ZNF565: variants seen among roughly 807,000 people sequenced by gnomAD.
ZNF565 encodes the protein zinc finger protein 565.
Under a neutral mutation model 39.4 loss-of-function variants are expected in ZNF565, and 27 were observed. The ratio of observed to expected loss-of-function variants is 0.69; its 90% CI spans 0.51 to 0.95. The LOEUF is 0.95. Ranked by LOEUF, ZNF565 falls within the 40% of genes least tolerant of loss-of-function variation. The pLI, the probability that ZNF565 is intolerant of heterozygous loss-of-function variation, is 0.00. For synonymous variants in ZNF565, 185 were observed against 216.6 expected, an observed-to-expected ratio of 0.85 and a Z score of 1.28; for missense variants, 524 against 621.1, an observed-to-expected ratio of 0.84 and a Z score of 1.66.
At chr19:36,185,266 T>G (rs1975247921) in intron 4 of ZNF565, among the ~76,000 whole-genome samples, 1 of 151,556 alleles carries the variant, frequency 6.6e-6, no homozygotes, top group Non-Finnish European at 1.5e-5. Context: ...AATACAAAAT[T>G]AGCCGGCCGT....
intron 1 of ZNF565, among the ~76,000 whole-genome samples, chr19:36,227,498 C>G (rs1205169103): frequency 6.6e-6 from 1 of 151,562 alleles, no homozygotes; most frequent in East Asian, 1.9e-4. Flanking sequence ...ATCTTCCTGT[C>G]TCAGCCTCCT....
At chr19:36,222,481 A>G (rs1293137274) in intron 1 of ZNF565, among the ~76,000 whole-genome samples, 1 of 152,222 alleles carries the variant, frequency 6.6e-6, no homozygotes, top group Non-Finnish European at 1.5e-5. Flanking sequence ...GTGGGTAAGT[A>G]CTTACACTCC....
intron 1 of ZNF565, among the ~76,000 whole-genome samples, chr19:36,233,893 C>T (rs1977515602): frequency 6.6e-6 from 1 of 150,790 alleles, no homozygotes; most frequent in Non-Finnish European, 1.5e-5. Context: ...TTTACTAATC[C>T]TCCTCAGCAC....
chr19:36,235,741 C>T (rs1441574207), intron 1 of ZNF565: 1 of 152,214 alleles, frequency 6.6e-6, no homozygotes, highest in Non-Finnish European at 1.5e-5. Context: ...GTTGATCCAT[C>T]TCCAGGAAAG....
intron 1 of ZNF565, among the ~76,000 whole-genome samples, chr19:36,206,774 G>A (rs189072371): frequency 2.6e-5 from 4 of 152,336 alleles, no homozygotes; most frequent in Non-Finnish European, 2.9e-5. Flanking sequence ...AGAGGTTGTA[G>A]TGAGTTGATA....
intron 1 of ZNF565, among the ~76,000 whole-genome samples, chr19:36,228,268 A>G (rs1346932450): frequency 7.9e-5 from 7 of 89,000 alleles, no homozygotes; most frequent in African/African-American, 2.9e-4. Flanking sequence ...TGTCAGAACA[A>G]CTTCTTCACA....
chr19:36,231,854 C>G (rs1977384950), intron 1 of ZNF565, among the ~76,000 whole-genome samples: 1 of 151,800 alleles, frequency 6.6e-6, no homozygotes, highest in Non-Finnish European at 1.5e-5. Context: ...TCTCTTGAGC[C>G]TAGGAGTTCT....
chr19:36,244,690 A>C (rs1453182832), intron 1 of ZNF565, among the ~76,000 whole-genome samples: 1 of 152,066 alleles, frequency 6.6e-6, no homozygotes, highest in African/African-American at 2.4e-5. Flanking sequence ...GTCTCTACTA[A>C]AAATACAAAA....
rs768296047 is a variant in ZNF565 at position 36,182,708 on chromosome 19, C to G, written c.1258G>C (p.Glu420Gln). 1.2e-6 allele frequency: 2 copies of G among 1,614,156 alleles called. No homozygotes were observed. Among genetic ancestry groups the G allele is most frequent in the Admixed American group, 3.3e-5 (2 of 60,000 alleles). ...QRIHTGDKPYECKECGKAFIR... is the reference protein window; with the variant it reads ...QRIHTGDKPYQCKECGKAFIR... ...AAGGCCTTCCCACATTCCTTACATT[C>G]GTAGGGTTTGTCACCTGTATGAATT... The change falls in exon 5 of 5, where the codon GAA becomes CAA. Residue 420 changes from glutamate to glutamine, a missense_variant. Physicochemically the swap from Glu to Gln is conservative, Grantham distance 29. Transcript: ENST00000304116.
At position 36,182,704 on chromosome 19, in the gene ZNF565, C is replaced by T; in HGVS notation, c.1262G>A (p.Cys421Tyr). Residue 421 changes from cysteine (C) to tyrosine (Y), a missense_variant, in exon 5 of 5, where the codon TGT becomes TAT. By Grantham distance (194) the Cys-to-Tyr change is radical (BLOSUM62 -2). Transcript: ENST00000304116. ...AATAAAGGCCTTCCCACATTCCTTACATTCGTAGGGTTTGTCACCTGTATG... is the reference window on the plus strand; with the variant it reads ...AATAAAGGCCTTCCCACATTCCTTATATTCGTAGGGTTTGTCACCTGTATG... ...RIHTGDKPYE[C>Y]KECGKAFIRV... 1 of 1,614,190 alleles carries T rather than the reference C, an allele frequency of 6.2e-7. No individual in the cohort carries two copies. The highest frequency in any genetic ancestry group is 8.5e-7 in the Non-Finnish European group (1 of 1,180,034).
intron 1 of ZNF565, among the ~76,000 whole-genome samples, chr19:36,227,711 C>T (rs1047886664): frequency 2.6e-5 from 4 of 152,138 alleles, no homozygotes; most frequent in African/African-American, 9.7e-5. Flanking sequence ...CACACCATTG[C>T]GCCCAGCTAA....
At chr19:36,204,387 T>C (rs1976076466) in intron 1 of ZNF565, among the ~76,000 whole-genome samples, 1 of 152,188 alleles carries the variant, frequency 6.6e-6, no homozygotes, top group Non-Finnish European at 1.5e-5. Flanking sequence ...CAGAGTGAAA[T>C]GCAGTGGCAA....
chr19:36,209,526 A>C (rs955352670), intron 1 of ZNF565, among the ~76,000 whole-genome samples: 1 of 151,402 alleles, frequency 6.6e-6, no homozygotes. Flanking sequence ...AACAAAAAAC[A>C]AACCAACAAA....
chr19:36,191,533 A>G (rs920429786), intron 4 of ZNF565, among the ~76,000 whole-genome samples: 2 of 152,146 alleles, frequency 1.3e-5, no homozygotes, highest in African/African-American at 4.8e-5. Context: ...GTGGAAGTAT[A>G]TAAAAGAGAA....
intron 1 of ZNF565, among the ~76,000 whole-genome samples, chr19:36,211,449 T>TCTCTCACACACACA (rs1229625965): frequency 1.5e-5 from 2 of 137,676 alleles, no homozygotes; most frequent in African/African-American, 5.4e-5. Flanking sequence ...CAACTCTCTC[T>TCTCTCACACACACA]CACACACACA....
chr19:36,232,410 G>A (rs1977421545), intron 1 of ZNF565, among the ~76,000 whole-genome samples: 1 of 151,698 alleles, frequency 6.6e-6, no homozygotes, highest in Admixed American at 6.6e-5. Context: ...ATATTTTCCA[G>A]AGGAACTTAC....
intron 1 of ZNF565, among the ~76,000 whole-genome samples, chr19:36,235,304 A>G (rs1176143489): frequency 6.6e-6 from 1 of 152,048 alleles, no homozygotes; most frequent in East Asian, 1.9e-4. Flanking sequence ...CTATTTGGCA[A>G]TTCTTCATTA....
intron 1 of ZNF565, among the ~76,000 whole-genome samples, chr19:36,232,011 T>C (rs1396932357): frequency 6.6e-6 from 1 of 151,978 alleles, no homozygotes; most frequent in Admixed American, 6.6e-5. Flanking sequence ...GAGACTGGCC[T>C]GGCCAACATG....
Position 36,182,516 on chromosome 19 carries a change from A to G in ZNF565, c.1450T>C (p.Phe484Leu), listed in dbSNP as rs1372092559. 1 of 1,600,490 alleles carries G rather than the reference A, an allele frequency of 6.2e-7. No homozygotes were observed. Among genetic ancestry groups the G allele is most frequent in the Non-Finnish European group, 8.5e-7 (1 of 1,173,664 alleles). Residue 484 changes from phenylalanine (F) to leucine (L), a missense_variant, in exon 5 of 5, where the codon TTT becomes CTT. By Grantham distance (22) the Phe-to-Leu change is conservative. Transcript: ENST00000304116. ...TCAATGAGTTGTGAGCCAAGAATAAATGCCTGCCCACACTCTCTACATTCG... is the reference window on the plus strand; with the variant it reads ...TCAATGAGTTGTGAGCCAAGAATAAGTGCCTGCCCACACTCTCTACATTCG... ...PYECRECGQA[F>L]ILGSQLIEHY...
Sources: allele counts gnomAD v4.1 joint callset (sites outside exome capture counted in the v4.1 genomes callset), GRCh38; gene constraint gnomAD v4.1.1; transcripts MANE v1.5; gene names NCBI Gene and HGNC (gene_info 2026-07-23, HGNC 2026-07-21).